PLCB1: variants seen among roughly 807,000 people sequenced by gnomAD.
PLCB1 encodes phospholipase C beta 1, also known as 1-phosphatidylinositol 4,5-bisphosphate phosphodiesterase beta-1.
A neutral mutation model predicts 161.8 loss-of-function variants in PLCB1; 46 were observed. The ratio of observed to expected loss-of-function variants is 0.28; its 90% CI spans 0.22 to 0.36. PLCB1 has a LOEUF of 0.36. Among genes scored for constraint, PLCB1 ranks in the 10% least tolerant of loss-of-function variants. PLCB1 has a pLI of 1.00. For missense variants in PLCB1, 1,016 were observed against 1,472.5 expected, an observed-to-expected ratio of 0.69 and a Z score of 5.07; for synonymous variants, 517 against 503.7, an observed-to-expected ratio of 1.03 and a Z score of -0.35.
At chr20:8,648,290 C>T (rs917490067) in intron 6 of PLCB1, among the ~76,000 whole-genome samples, 7 of 152,196 alleles carry the variant, frequency 4.6e-5, no homozygotes, top group African/African-American at 1.7e-4. Context: ...CCTCTTTCTA[C>T]CAAGATGGCT....
At chr20:8,203,362 G>C (rs1978348621) in intron 2 of PLCB1, among the ~76,000 whole-genome samples, 1 of 152,136 alleles carries the variant, frequency 6.6e-6, no homozygotes, top group Admixed American at 6.6e-5. Flanking sequence ...CTCATTAATG[G>C]AAGAGTATTA....
At chr20:8,566,588 C>T (rs1233435450) in intron 3 of PLCB1, among the ~76,000 whole-genome samples, 2 of 152,062 alleles carry the variant, frequency 1.3e-5, no homozygotes, top group Non-Finnish European at 2.9e-5. Flanking sequence ...GAATATGTTC[C>T]AGCTTTGTTT....
At chr20:8,266,979 A>C (rs1981989816) in intron 2 of PLCB1, among the ~76,000 whole-genome samples, 1 of 151,590 alleles carries the variant, frequency 6.6e-6, no homozygotes, top group Non-Finnish European at 1.5e-5. Flanking sequence ...GGAGGGTGCA[A>C]TGAGCCTAGA....
intron 23 of PLCB1, among the ~76,000 whole-genome samples, chr20:8,745,666 G>A (rs1157513307): frequency 1.3e-5 from 2 of 151,876 alleles, no homozygotes; most frequent in African/African-American, 4.8e-5. Context: ...ATAATGGTTG[G>A]AAGTTAAGGA....
At chr20:8,607,953 TC>T (rs1212415581) in intron 3 of PLCB1, among the ~76,000 whole-genome samples, 1 of 152,160 alleles carries the variant, frequency 6.6e-6, no homozygotes, top group East Asian at 1.9e-4. Flanking sequence ...ATTTAGCCAT[TC>T]CACAGTGAAT....
intron 3 of PLCB1, among the ~76,000 whole-genome samples, chr20:8,397,215 T>C (rs1418788843): frequency 6.6e-6 from 1 of 152,112 alleles, no homozygotes; most frequent in South Asian, 2.1e-4. Flanking sequence ...TTGCTACTAA[T>C]ACAAGTCCAC....
At chr20:8,173,649 A>G (rs1366498620) in intron 2 of PLCB1, among the ~76,000 whole-genome samples, 2 of 152,200 alleles carry the variant, frequency 1.3e-5, no homozygotes, top group Non-Finnish European at 2.9e-5. Context: ...TGAGTCAGAA[A>G]AATTTAGTCA....
rs192476222 is a variant in PLCB1, at chr20:8,854,773, C to T, written c.3424-26849C>T. Among the ~76,000 whole-genome samples the T allele has an allele frequency of 1.5e-3, 228 of 152,316 alleles. 1 individual carries two copies. Among genetic ancestry groups the T allele is most frequent in the South Asian group, 0.014 (66 of 4,818 alleles). ...TCTCCACGCTGGCGAACGACAAACT[C>T]GGCAAGGAGCCTCCTGTGTATTTCC... On this transcript the variant is annotated intron_variant, in intron 31 of 31. Transcript: ENST00000338037.
In PLCB1 at chr20:8,476,822, A is replaced by C. The variant is rs7270404; in HGVS notation, c.246+105372A>C. Among the ~76,000 whole-genome samples the C allele has an allele frequency of 8.6e-3, 1,315 of 152,282 alleles. 19 individuals carry two copies. The highest frequency in any genetic ancestry group is 0.029 in the African/African-American group (1,212 of 41,548). On this transcript the variant is annotated intron_variant, in intron 3 of 31. Transcript: ENST00000338037. ...GGCTTTTTTGTGTGTGTGATGTTCA[A>C]AATGATGAGGAAGCTATATGTTTAC...
intron 27 of PLCB1, among the ~76,000 whole-genome samples, chr20:8,781,877 T>A (rs1009229466): frequency 6.6e-6 from 1 of 152,192 alleles, no homozygotes; most frequent in South Asian, 2.1e-4. Context: ...CCCACCCCCA[T>A]AATTCAATCA....
chr20:8,523,502 A>G lies in PLCB1; in HGVS notation c.247-104792A>G, dbSNP rs866158170. Among the ~76,000 whole-genome samples the G allele has an allele frequency of 1.0e-4, 8 of 76,394 alleles. 2 individuals are homozygous for G. Among genetic ancestry groups the G allele is most frequent in the Non-Finnish European group, 1.6e-4 (6 of 36,550 alleles). 50.1% of individuals were successfully genotyped at this position (76,394 alleles called of 152,430 possible). On this transcript the variant is annotated intron_variant, in intron 3 of 31. Transcript: ENST00000338037. ...TCTCTCTCTCTCTCTCTCTCTATAT[A>G]TATATATATATATATATATGGAGAG...
chr20:8,195,857 G>A (rs1257428248), intron 2 of PLCB1, among the ~76,000 whole-genome samples: 1 of 152,052 alleles, frequency 6.6e-6, no homozygotes, highest in Non-Finnish European at 1.5e-5. Context: ...ATTTGTATTA[G>A]TCGATTCTCA....
At chr20:8,831,519 G>A (rs1985979016) in intron 31 of PLCB1, 1 of 152,034 alleles carries the variant, frequency 6.6e-6, no homozygotes, top group Admixed American at 6.5e-5. Flanking sequence ...TAAGACCTCA[G>A]GCCATACCTT....
chr20:8,706,221 G>A (rs1257183214), intron 11 of PLCB1, among the ~76,000 whole-genome samples: 1 of 152,150 alleles, frequency 6.6e-6, no homozygotes, highest in African/African-American at 2.4e-5. Context: ...CAACATGATG[G>A]GTCTTTAAGA....
At chr20:8,463,315 T>C (rs919976736) in intron 3 of PLCB1, among the ~76,000 whole-genome samples, 2 of 152,116 alleles carry the variant, frequency 1.3e-5, no homozygotes, top group African/African-American at 4.8e-5. Context: ...AGACCTTCTG[T>C]GTACCCTTCC....
At chr20:8,410,296 A>G (rs1978984927) in intron 3 of PLCB1, among the ~76,000 whole-genome samples, 1 of 152,180 alleles carries the variant, frequency 6.6e-6, no homozygotes, top group Non-Finnish European at 1.5e-5. Context: ...CTATGGGTGG[A>G]ATTGCTGAGT....
At chr20:8,718,518 T>C (rs1464839452) in intron 14 of PLCB1, among the ~76,000 whole-genome samples, 1 of 152,176 alleles carries the variant, frequency 6.6e-6, no homozygotes, top group African/African-American at 2.4e-5. Context: ...TCCTTCCAGC[T>C]TCAAAGCCAG....
At chr20:8,615,486 C>G (rs1410721890) in intron 3 of PLCB1, among the ~76,000 whole-genome samples, 4 of 152,182 alleles carry the variant, frequency 2.6e-5, no homozygotes. Flanking sequence ...ACTTTCCCTA[C>G]TGAATGCAAC....
At chr20:8,746,714 A>G (rs1981191064) in intron 23 of PLCB1, among the ~76,000 whole-genome samples, 1 of 152,198 alleles carries the variant, frequency 6.6e-6, no homozygotes, top group African/African-American at 2.4e-5. Context: ...CATTATTTCC[A>G]TTTAACAAAT....
Sources: allele counts gnomAD v4.1 joint callset (sites outside exome capture counted in the v4.1 genomes callset), GRCh38; gene constraint gnomAD v4.1.1; transcripts MANE v1.5; gene names NCBI Gene and HGNC (gene_info 2026-07-23, HGNC 2026-07-21).